The following CRTC1 variants were observed in gnomAD, a reference collection of about 807,000 sequenced individuals.
The protein encoded by CRTC1 is CREB regulated transcription coactivator 1.
A neutral mutation model predicts 66.1 loss-of-function variants in CRTC1; 18 were observed. The observed-to-expected ratio is 0.27, with a 90% CI of 0.19 to 0.40. The LOEUF is 0.40. CRTC1 is among the 10% of genes least tolerant of loss of function. The pLI is 1.00. For synonymous variants in CRTC1, 416 were observed against 398.8 expected (o/e 1.04, Z -0.51); for missense variants, 669 against 887.9 (o/e 0.75, Z 3.13).
intron 1 of CRTC1, among the ~76,000 whole-genome samples, chr19:18,740,461 A>C (rs903655370): frequency 6.6e-6 from 1 of 152,130 alleles, no homozygotes; most frequent in African/African-American, 2.4e-5. Context: ...CTCATGGCCA[A>C]CCTGTCTCTA....
intron 1 of CRTC1, among the ~76,000 whole-genome samples, chr19:18,689,075 G>T (rs1280096257): frequency 2.0e-5 from 3 of 151,032 alleles, no homozygotes; most frequent in Non-Finnish European, 4.4e-5. Context: ...CCTCCTGAGT[G>T]GCTGGGATTA....
intron 1 of CRTC1, among the ~76,000 whole-genome samples, chr19:18,713,184 C>T (rs1327798330): frequency 1.3e-5 from 2 of 152,248 alleles, no homozygotes; most frequent in African/African-American, 4.8e-5. Flanking sequence ...ATGAGTGCCT[C>T]ATTCCTTTCC....
intron 1 of CRTC1, among the ~76,000 whole-genome samples, chr19:18,737,594 C>G (rs1165932427): frequency 1.3e-5 from 2 of 152,156 alleles, no homozygotes; most frequent in Admixed American, 6.6e-5. Flanking sequence ...CGTCCACACT[C>G]TCACTCCTGG....
chr19:18,774,975 C>T lies in CRTC1; in HGVS notation c.1501C>T (p.Leu501=), dbSNP rs1287154561. ...QQMAARQANA[L]SHQLEQFNMM... ...GATGGCGGCCAGGCAGGCCAATGCT[C>T]TGTCCCACCAGGTGAGCGGGCGCCC... is the stretch of plus-strand genomic sequence containing the variant. The change falls in exon 12 of 14, where the codon CTG becomes TTG. Residue 501 remains leucine (L), a synonymous_variant. Transcript: ENST00000321949. 2 of 1,605,980 alleles carry T rather than the reference C, an allele frequency of 1.2e-6. No homozygotes were observed. Among genetic ancestry groups the T allele is most frequent in the African/African-American group, 1.3e-5 (1 of 74,904 alleles).
chr19:18,727,445 G>A (rs2053783450), intron 1 of CRTC1, among the ~76,000 whole-genome samples: 1 of 151,122 alleles, frequency 6.6e-6, no homozygotes, highest in African/African-American at 2.4e-5. Flanking sequence ...GTTGGGTATG[G>A]TGGCACGCAT....
chr19:18,719,190 C>T (rs2053569749), intron 1 of CRTC1, among the ~76,000 whole-genome samples: 1 of 152,240 alleles, frequency 6.6e-6, no homozygotes, highest in African/African-American at 2.4e-5. Context: ...CGGGCGCAGC[C>T]TCCAACTAGT....
chr19:18,737,126 A>C (rs2054014181), intron 1 of CRTC1, among the ~76,000 whole-genome samples: 1 of 152,124 alleles, frequency 6.6e-6, no homozygotes, highest in African/African-American at 2.4e-5. Context: ...TAGACTTAGC[A>C]GGAGTGTGGA....
chr19:18,703,385 G>C (rs898717951), intron 1 of CRTC1, among the ~76,000 whole-genome samples: 1 of 152,138 alleles, frequency 6.6e-6, no homozygotes, highest in Non-Finnish European at 1.5e-5. Flanking sequence ...GATTTCCCCG[G>C]ATTGCTCCTT....
chr19:18,759,971 T>G, intron 7 of CRTC1, 37 bp from the exon 8 acceptor site: 12 of 1,061,224 alleles, frequency 1.1e-5, no homozygotes, highest in Non-Finnish European at 1.5e-5. Context: ...CCCCGCCCCA[T>G]GAGCTCACCT....
At chr19:18,698,773 T>A (rs564600916) in intron 1 of CRTC1, among the ~76,000 whole-genome samples, 9 of 150,888 alleles carry the variant, frequency 6.0e-5, no homozygotes, top group Admixed American at 4.6e-4. Context: ...GCACAATGTG[T>A]ATACAGGTGC....
At chr19:18,764,926 A>G (rs2054695502) in intron 8 of CRTC1, among the ~76,000 whole-genome samples, 1 of 152,184 alleles carries the variant, frequency 6.6e-6, no homozygotes, top group African/African-American at 2.4e-5. Flanking sequence ...AGCCATTTTC[A>G]GCCAAAAAAA....
At position 18,759,571 on chromosome 19, in the gene CRTC1, C is replaced by T. The variant is rs924176887; in HGVS notation, c.645C>T (p.Ser215=). The T allele has an allele frequency of 6.2e-7, 1 of 1,613,192 alleles. No individual in the cohort carries two copies. The highest frequency in any genetic ancestry group is 8.5e-7 in the Non-Finnish European group (1 of 1,179,738). The change falls in exon 7 of 14, where the codon TCC becomes TCT. Residue 215 remains serine, a synonymous_variant. Coordinates refer to ENST00000321949, the MANE Select transcript of CRTC1 (RefSeq NM_015321.3). ...DTKKTGSRPK[S]CEVPGINIFP... ...TTCAGACGGGGTCCAGGCCCAAGTC[C>T]TGTGAGGTCCCCGGAATCAAGTAAG... is the stretch of plus-strand genomic sequence containing the variant.
chr19:18,730,465 G>GC (rs531477110), intron 1 of CRTC1, among the ~76,000 whole-genome samples: 42 of 152,088 alleles, frequency 2.8e-4, no homozygotes, highest in African/African-American at 8.7e-4. Flanking sequence ...GTGTACTGGG[G>GC]CCCCCCTACG....
At chr19:18,755,155 A>T (rs1963368263) in intron 6 of CRTC1, among the ~76,000 whole-genome samples, 1 of 150,482 alleles carries the variant, frequency 6.6e-6, no homozygotes, top group Non-Finnish European at 1.5e-5. Flanking sequence ...CACCTGGCTA[A>T]TTTTTGTATT....
chr19:18,761,423 G>A (rs2054612191), intron 8 of CRTC1, among the ~76,000 whole-genome samples: 1 of 152,202 alleles, frequency 6.6e-6, no homozygotes, highest in African/African-American at 2.4e-5. Flanking sequence ...GGGGGTGACA[G>A]ACGCCACCTT....
At chr19:18,732,728 G>T (rs911271148) in intron 1 of CRTC1, among the ~76,000 whole-genome samples, 1 of 152,164 alleles carries the variant, frequency 6.6e-6, no homozygotes, top group Non-Finnish European at 1.5e-5. Context: ...CCAGTGGGGA[G>T]TTGGGGTTTG....
intron 1 of CRTC1, among the ~76,000 whole-genome samples, chr19:18,700,232 A>G (rs937735658): frequency 3.3e-5 from 5 of 152,108 alleles, no homozygotes; most frequent in Non-Finnish European, 7.4e-5. Flanking sequence ...GTGGGGTTGA[A>G]GGGTGCGGTG....
At chr19:18,684,333 C>T (rs1352982301) in intron 1 of CRTC1, among the ~76,000 whole-genome samples, 2 of 151,868 alleles carry the variant, frequency 1.3e-5, no homozygotes, top group African/African-American at 2.4e-5. Flanking sequence ...CCCCCGCATC[C>T]TTGCTACCTG....
chr19:18,719,293 C>A (rs774366565), intron 1 of CRTC1, among the ~76,000 whole-genome samples: 1 of 152,208 alleles, frequency 6.6e-6, no homozygotes, highest in Non-Finnish European at 1.5e-5. Flanking sequence ...CAGAATGCGG[C>A]CTGAAGATGG....
Sources: allele counts gnomAD v4.1 joint callset (sites outside exome capture counted in the v4.1 genomes callset), GRCh38; gene constraint gnomAD v4.1.1; transcripts MANE v1.5; gene names NCBI Gene and HGNC (gene_info 2026-07-23, HGNC 2026-07-21).